Variants in MTAP observed in about 807,000 individuals in gnomAD.
MTAP encodes S-methyl-5'-thioadenosine phosphorylase.
A neutral mutation model predicts 33.6 loss-of-function variants in MTAP; 33 were observed. The ratio of observed to expected loss-of-function variants is 0.98; its 90% CI spans 0.74 to 1.31. MTAP has a LOEUF of 1.31. Ranked by LOEUF, MTAP falls within the 40% of genes most tolerant of loss-of-function variation. The probability of loss-of-function intolerance (pLI) is 0.00; values close to 1 mark genes in which losing one functional copy is unlikely to be tolerated. For missense variants in MTAP, 367 were observed against 360.0 expected (o/e 1.02, Z -0.16); for synonymous variants, 148 against 125.7 (o/e 1.18, Z -1.19).
chr9:21,881,263 A>C (rs890980421), intron 1 of MTAP, among the ~76,000 whole-genome samples: 9 of 152,108 alleles, frequency 5.9e-5, no homozygotes, highest in Admixed American at 1.3e-4. Context: ...CTCAAAATGG[A>C]TTAATAACTT....
At chr9:21,853,927 T>A (rs1323123890) in intron 5 of MTAP, among the ~76,000 whole-genome samples, 2 of 152,168 alleles carry the variant, frequency 1.3e-5, no homozygotes, top group Non-Finnish European at 2.9e-5. Flanking sequence ...TGAAGGTAAT[T>A]AATAACTTGA....
At chr9:21,827,045 G>A (rs1331525819) in intron 4 of MTAP, among the ~76,000 whole-genome samples, 1 of 152,146 alleles carries the variant, frequency 6.6e-6, no homozygotes, top group African/African-American at 2.4e-5. Context: ...GACCCTCTCT[G>A]TGGAAAAATT....
chr9:21,861,872 G>A (rs548118434), intron 7 of MTAP, 104 bp from the exon 8 acceptor site: 275 of 790,588 alleles, frequency 3.5e-4, no homozygotes, highest in African/African-American at 1.5e-3. Flanking sequence ...TGTTTCCTGC[G>A]TCCTCACTTT....
intron 5 of MTAP, 46 bp from the exon 6 acceptor site, chr9:21,854,585 G>A: frequency 4.7e-6 from 7 of 1,504,942 alleles, no homozygotes; most frequent in Non-Finnish European, 6.2e-6. Flanking sequence ...GCCTTAAGTT[G>A]TGCATGTGCT....
chr9:21,822,769 C>T, intron 4 of MTAP, among the ~76,000 whole-genome samples: 1 of 152,124 alleles, frequency 6.6e-6, no homozygotes, highest in Non-Finnish European at 1.5e-5. Context: ...GAGTCTAAGT[C>T]TCTTTGTAGA....
intron 4 of MTAP, among the ~76,000 whole-genome samples, chr9:21,828,351 A>T (rs1824875586): frequency 6.6e-6 from 1 of 152,160 alleles, no homozygotes. Flanking sequence ...ACACTACTTT[A>T]CAACAACAGG....
intron 4 of MTAP, among the ~76,000 whole-genome samples, chr9:21,831,314 A>G (rs190960183): frequency 1.3e-5 from 2 of 152,216 alleles, no homozygotes; most frequent in African/African-American, 4.8e-5. Context: ...TCTATAAACT[A>G]TTTGAAAAGA....
At chr9:21,921,619 G>C (rs747426979) in intron 1 of MTAP, among the ~76,000 whole-genome samples, 1 of 152,162 alleles carries the variant, frequency 6.6e-6, no homozygotes, top group Non-Finnish European at 1.5e-5. Flanking sequence ...ATGGAATGTA[G>C]ATTTTGATTA....
At chr9:21,904,208 T>C (rs1466539711) in intron 1 of MTAP, among the ~76,000 whole-genome samples, 1 of 152,182 alleles carries the variant, frequency 6.6e-6, no homozygotes, top group Non-Finnish European at 1.5e-5. Flanking sequence ...GCTGCCTGTG[T>C]GTTCCTCTGC....
intron 5 of MTAP, among the ~76,000 whole-genome samples, chr9:21,847,650 T>A (rs1269178755): frequency 6.6e-6 from 1 of 152,218 alleles, no homozygotes; most frequent in Non-Finnish European, 1.5e-5. Flanking sequence ...GGGAACATAA[T>A]GAAGCTGGTT....
At chr9:21,881,563 A>C (rs1818011045) in intron 1 of MTAP, among the ~76,000 whole-genome samples, 1 of 152,118 alleles carries the variant, frequency 6.6e-6, no homozygotes, top group Non-Finnish European at 1.5e-5. Context: ...CCAATTAAAA[A>C]GTGGGCAGAA....
chr9:21,853,873 C>CT (rs575632505), intron 5 of MTAP, among the ~76,000 whole-genome samples: 3 of 151,774 alleles, frequency 2.0e-5, no homozygotes, highest in Non-Finnish European at 2.9e-5. Context: ...GTTGAAAAGA[C>CT]TTTTTTTTAA....
intron 1 of MTAP, among the ~76,000 whole-genome samples, chr9:21,915,046 TCCTTCCTTCC>T (rs1283726906): frequency 3.5e-4 from 38 of 108,638 alleles, no homozygotes; most frequent in Non-Finnish European, 5.9e-4. Context: ...CTTCCTTCCT[TCCTTCCTTCC>T]TTTCTTTCTT....
intron 5 of MTAP, among the ~76,000 whole-genome samples, chr9:21,838,816 A>T (rs1239189034): frequency 6.6e-6 from 1 of 152,224 alleles, no homozygotes; most frequent in Non-Finnish European, 1.5e-5. Flanking sequence ...GTCAGGTGCA[A>T]CTCAAAAGAT....
At chr9:21,895,151 T>C (rs911330511) in intron 1 of MTAP, among the ~76,000 whole-genome samples, 2 of 152,058 alleles carry the variant, frequency 1.3e-5, no homozygotes, top group Admixed American at 6.5e-5. Context: ...GCCAATGACG[T>C]TTTTCATAGA....
At chr9:21,851,497 G>C (rs1008901464) in intron 5 of MTAP, among the ~76,000 whole-genome samples, 1 of 152,136 alleles carries the variant, frequency 6.6e-6, no homozygotes, top group Non-Finnish European at 1.5e-5. Context: ...GTTGGTGTTT[G>C]GTGCATTTCC....
chr9:21,918,122 G>A (rs1334441217), intron 1 of MTAP, among the ~76,000 whole-genome samples: 3 of 129,216 alleles, frequency 2.3e-5, no homozygotes, highest in Non-Finnish European at 4.6e-5. Flanking sequence ...AGGCCGAGGC[G>A]GGCGGATCAC....
At chr9:21,907,444 C>G (rs1818493543) in intron 1 of MTAP, among the ~76,000 whole-genome samples, 1 of 152,168 alleles carries the variant, frequency 6.6e-6, no homozygotes, top group African/African-American at 2.4e-5. Flanking sequence ...GTAGTCTCAG[C>G]TACTCAGGAG....
intron 3 of MTAP, 34 bp from the exon 4 acceptor site, chr9:21,818,001 T>A: frequency 6.3e-7 from 1 of 1,593,346 alleles, no homozygotes; most frequent in Non-Finnish European, 8.5e-7. Flanking sequence ...GGTGTACTCA[T>A]CACGGGTTAA....
Sources: allele counts gnomAD v4.1 joint callset (sites outside exome capture counted in the v4.1 genomes callset), GRCh38; gene constraint gnomAD v4.1.1; transcripts MANE v1.5; gene names NCBI Gene and HGNC (gene_info 2026-07-23, HGNC 2026-07-21).